TREML2: variants seen among roughly 807,000 people sequenced by gnomAD.
TREML2 encodes trem-like transcript 2 protein.
A neutral mutation model predicts 25.9 loss-of-function variants in TREML2; 24 were observed. The ratio of observed to expected loss-of-function variants is 0.93; its 90% CI spans 0.67 to 1.30. The LOEUF (loss-of-function observed/expected upper bound fraction) is 1.30. TREML2 is among the 50% of genes most tolerant of loss of function. TREML2 has a pLI of 0.00. For synonymous variants in TREML2, 139 were observed against 155.2 expected (o/e 0.90, Z 0.77); for missense variants, 359 against 395.6 (o/e 0.91, Z 0.78).
intron 3 of TREML2, among the ~76,000 whole-genome samples, chr6:41,193,360 C>T (rs1021770410): frequency 2.2e-4 from 34 of 152,220 alleles, no homozygotes; most frequent in Middle Eastern, 3.4e-3. Flanking sequence ...AGGCTGAGGC[C>T]TTTCTCTTGT....
rs941836212 is a variant in TREML2, at chr6:41,189,864, G to A, written c.*2563C>T. Among the ~76,000 whole-genome samples, 4 of 152,210 alleles carry A rather than the reference G, an allele frequency of 2.6e-5. No individual in the cohort carries two copies. Among genetic ancestry groups the A allele is most frequent in the Admixed American group, 6.5e-5 (1 of 15,284 alleles). On this transcript the variant is annotated 3_prime_UTR_variant, in exon 5 of 5. Coordinates refer to ENST00000483722, the MANE Select transcript of TREML2 (RefSeq NM_024807.4). ...AATGTAAAGGCTTTTATAAGAAACC[G>A]ATGAGGACTGGGCAGCTCATCTGCA...
At position 41,198,413 on chromosome 6, in the gene TREML2, ACT is replaced by A; in HGVS notation, c.70_71del (p.Ser24CysfsTer9). The A allele has an allele frequency of 6.2e-7, 1 of 1,607,676 alleles. No homozygotes were observed. The highest frequency in any genetic ancestry group is 8.5e-7 in the Non-Finnish European group (1 of 1,174,410). ...QGCVSGPSAD[S>X]VYTKVRLLEG... is the part of the protein sequence containing the mutation. ...CAAGGAGCCTCACTTTTGTGTATAC[ACT>A]GTCAGCAGAGGGGCCTGTGGAGACA... On this transcript the variant is annotated frameshift_variant, in exon 2 of 5. Transcript: ENST00000483722. LOFTEE classifies it high-confidence loss of function.
rs568900669 is a variant in TREML2 at position 41,199,052 on chromosome 6, C to T, written c.56-623G>A. The stretch of plus-strand genomic sequence containing the variant: ...TAATTTTTTGTATTTTTAGTAGAGA[C>T]GGGATTTCACCATGTTAGCCAGGAT... On this transcript the variant is annotated intron_variant, in intron 1 of 4. Coordinates refer to ENST00000483722, the MANE Select transcript of TREML2 (RefSeq NM_024807.4). Among the ~76,000 whole-genome samples the T allele has an allele frequency of 9.2e-5, 14 of 152,186 alleles. No individual in the cohort carries two copies. The South Asian group carries it at 1.2e-3, about 14-fold the overall frequency.
Position 41,194,818 on chromosome 6 carries a change from C to T in TREML2, c.392G>A (p.Arg131Lys), listed in dbSNP as rs747297666. The T allele has an allele frequency of 2.6e-5, 41 of 1,568,348 alleles. No homozygotes were observed. The highest frequency in any genetic ancestry group is 3.6e-5 in the Non-Finnish European group (41 of 1,154,246). Residue 131 changes from arginine (R) to lysine (K), a missense_variant, in exon 3 of 5, where the codon AGG becomes AAG. By Grantham distance (26) the Arg-to-Lys change is conservative. Coordinates refer to ENST00000483722, the MANE Select transcript of TREML2 (RefSeq NM_024807.4). The stretch of plus-strand genomic sequence containing the variant: ...GTCCAGATGTGTGAAAGGAATGTTC[C>T]TCTCAGTTTGGGGAGCTGAAAGACA... ...LDVSPAPQTERNIPFTHLDNI... is the reference protein window; with the variant it reads ...LDVSPAPQTEKNIPFTHLDNI...
rs1315593731 is a variant in TREML2, at chr6:41,198,159, G to C, written c.326C>G (p.Thr109Ser). The C allele has an allele frequency of 1.9e-6, 3 of 1,613,402 alleles. No individual in the cohort carries two copies. The Admixed American group carries it at 5.0e-5, about 27-fold the overall frequency. ...DSGRYWCMRN[T>S]SGILYPLMGF... is the part of the protein sequence containing the mutation. ...CATCAAGGGGTACAGGATCCCAGAG[G>C]TGTTGCGCATGCACCAGTATCGGCC... Residue 109 changes from threonine to serine, a missense_variant, in exon 2 of 5, where the codon ACC (threonine) becomes AGC (serine). By Grantham distance (58) the Thr-to-Ser change is moderately conservative. Coordinates refer to ENST00000483722, the MANE Select transcript of TREML2 (RefSeq NM_024807.4).
At chr6:41,195,764 G>T (rs1181546801) in intron 2 of TREML2, among the ~76,000 whole-genome samples, 1 of 152,178 alleles carries the variant, frequency 6.6e-6, no homozygotes, top group African/African-American at 2.4e-5. Context: ...ACTCAGAGAG[G>T]ATCTCAAAGG....
At chr6:41,195,320 G>C (rs1302653314) in intron 2 of TREML2, among the ~76,000 whole-genome samples, 1 of 152,130 alleles carries the variant, frequency 6.6e-6, no homozygotes, top group Non-Finnish European at 1.5e-5. Flanking sequence ...GGCTCACTAA[G>C]AGATATCAAA....
chr6:41,199,071 C>T (rs1766230648), intron 1 of TREML2, among the ~76,000 whole-genome samples: 1 of 152,170 alleles, frequency 6.6e-6, no homozygotes, highest in Non-Finnish European at 1.5e-5. Context: ...ACCATGTTAG[C>T]CAGGATGGTC....
intron 1 of TREML2, among the ~76,000 whole-genome samples, 164 bp from the exon 2 acceptor site, chr6:41,198,593 A>G (rs150806659): frequency 3.5e-4 from 53 of 152,310 alleles, no homozygotes; most frequent in Middle Eastern, 3.4e-3. Flanking sequence ...GCTTGCCCCA[A>G]TCTGAAGGGA....
intron 2 of TREML2, among the ~76,000 whole-genome samples, chr6:41,197,380 C>T (rs1438405497): frequency 6.6e-6 from 1 of 152,222 alleles, no homozygotes; most frequent in Non-Finnish European, 1.5e-5. Flanking sequence ...TTGCCTCACA[C>T]TCCATATAGA....
At chr6:41,199,990 C>G (rs1766245445) in intron 1 of TREML2, among the ~76,000 whole-genome samples, 2 of 152,216 alleles carry the variant, frequency 1.3e-5, no homozygotes, top group Non-Finnish European at 2.9e-5. Flanking sequence ...CTCATGCTTC[C>G]TTTTCCCACA....
At position 41,198,191 on chromosome 6, in the gene TREML2, C is replaced by T. The variant is rs151282613; in HGVS notation, c.294G>A (p.Gln98=). 1.1e-3 allele frequency: 1,730 copies of T among 1,614,230 alleles called. 4 individuals carry two copies. The highest frequency in any genetic ancestry group is 1.1e-3 in the Non-Finnish European group (1,287 of 1,180,038). The change falls in exon 2 of 5, where the codon CAG becomes CAA. Residue 98 remains glutamine (Q), a synonymous_variant. Coordinates refer to ENST00000483722, the MANE Select transcript of TREML2 (RefSeq NM_024807.4). The part of the protein sequence containing the change: ...VNITMVALKL[Q]DSGRYWCMRN... ...GCATGCACCAGTATCGGCCTGAGTC[C>T]TGGAGCTTGAGGGCCACCATGGTGA...
intron 2 of TREML2, 29 bp downstream of exon 2, chr6:41,198,080 C>T: frequency 6.5e-7 from 1 of 1,550,220 alleles, no homozygotes; most frequent in South Asian, 1.2e-5. Flanking sequence ...CTCCCTCCAC[C>T]CGTCCCAGAG....
chr6:41,196,423 C>T (rs1235824847), intron 2 of TREML2, among the ~76,000 whole-genome samples: 2 of 152,172 alleles, frequency 1.3e-5, no homozygotes, highest in Non-Finnish European at 2.9e-5. Context: ...TTTCCGGGGT[C>T]TTTAGCTGAG....
At chr6:41,194,381 G>T in intron 3 of TREML2, 44 bp downstream of exon 3, 1 of 1,490,200 alleles carries the variant, frequency 6.7e-7, no homozygotes, top group Non-Finnish European at 9.0e-7. Context: ...GGTCTGTTTG[G>T]GCACTAAGTG....
intron 1 of TREML2, among the ~76,000 whole-genome samples, chr6:41,200,667 T>A (rs763946158): frequency 6.6e-6 from 1 of 152,182 alleles, no homozygotes; most frequent in Non-Finnish European, 1.5e-5. Flanking sequence ...AGAAAGCTAT[T>A]TGTGTGAGGA....
At chr6:41,194,057 G>T (rs2113904020) in intron 3 of TREML2, among the ~76,000 whole-genome samples, 1 of 136,394 alleles carries the variant, frequency 7.3e-6, no homozygotes, top group South Asian at 2.4e-4. Context: ...GCTCCCCACT[G>T]ACCCTCATCC....
At position 41,194,604 on chromosome 6, in the gene TREML2, G is replaced by T; in HGVS notation, c.606C>A (p.Pro202=). 2 of 1,614,108 alleles carry T rather than the reference G, an allele frequency of 1.2e-6. No individual in the cohort carries two copies. Among genetic ancestry groups the T allele is most frequent in the Non-Finnish European group, 1.7e-6 (2 of 1,180,004 alleles). The change falls in exon 3 of 5, where the codon CCC becomes CCA. Residue 202 remains proline (P), a synonymous_variant. Coordinates refer to ENST00000483722, the MANE Select transcript of TREML2 (RefSeq NM_024807.4). ...FTATSTTSQG[P]RRTMGSQTVT... is the part of the protein sequence containing the mutation. Reference sequence around the variant, plus strand: ...CTGTCTGGGACCCCATGGTCCTCCTGGGTCCCTGGCTGGTGGTGCTGGTAG... The same window carrying T: ...CTGTCTGGGACCCCATGGTCCTCCTTGGTCCCTGGCTGGTGGTGCTGGTAG...
In TREML2 at chr6:41,190,853, GTCTGTCTGTC is replaced by G. The variant is rs1165533136; in HGVS notation, c.*1564_*1573del. ...TAGACAGAGATGGGTGTGTGTGCGT[GTCTGTCTGTC>G]TGTCTGTCTGTCTGTCTGTCTGTCT... On this transcript the variant is annotated 3_prime_UTR_variant, in exon 5 of 5. Transcript: ENST00000483722. 1.4e-5 allele frequency: 1 copy of G among 71,230 alleles called. No individual in the cohort carries two copies. The highest frequency in any genetic ancestry group is 3.3e-5 in the Non-Finnish European group (1 of 30,732). The allele number at this position is 71,230 out of a possible 1,614,324, so 4.4% of individuals were successfully genotyped here.
Sources: allele counts gnomAD v4.1 joint callset (sites outside exome capture counted in the v4.1 genomes callset), GRCh38; gene constraint gnomAD v4.1.1; transcripts MANE v1.5; gene names NCBI Gene and HGNC (gene_info 2026-07-23, HGNC 2026-07-21).